PACRG: variants seen among roughly 807,000 people sequenced by gnomAD.
The protein encoded by PACRG is parkin coregulated, also known as parkin coregulated gene protein.
Under a neutral mutation model 29.7 loss-of-function variants are expected in PACRG, and 29 were observed. That is an observed-to-expected ratio of 0.98 (90% CI 0.73 to 1.33). The LOEUF (loss-of-function observed/expected upper bound fraction) is 1.33, where lower values mean the gene tolerates loss of function less well. Ranked by LOEUF, PACRG falls within the 40% of genes most tolerant of loss-of-function variation. The pLI is 0.00. For synonymous variants in PACRG, 116 were observed against 118.7 expected, an observed-to-expected ratio of 0.98 and a Z score of 0.15; for missense variants, 279 against 316.2, an observed-to-expected ratio of 0.88 and a Z score of 0.89.
chr6:163,021,611 G>A (rs776776057), intron 2 of PACRG, among the ~76,000 whole-genome samples: 6 of 151,994 alleles, frequency 3.9e-5, no homozygotes, highest in East Asian at 1.9e-4. Context: ...CACAATTAGC[G>A]TCTTTCCATT....
intron 4 of PACRG, among the ~76,000 whole-genome samples, chr6:163,309,297 C>T (rs1785314337): frequency 6.6e-6 from 1 of 152,230 alleles, no homozygotes; most frequent in Non-Finnish European, 1.5e-5. Context: ...CTATTTATTT[C>T]AGAGCCTTGG....
intron 4 of PACRG, chr6:163,166,031 C>T: frequency 2.2e-6 from 1 of 448,008 alleles, no homozygotes; most frequent in Non-Finnish European, 4.5e-6. Context: ...ACAAGCGCCC[C>T]GATTTCATCT....
intron 2 of PACRG, among the ~76,000 whole-genome samples, chr6:163,020,593 G>A (rs1585022257): frequency 1.3e-5 from 2 of 152,094 alleles, no homozygotes; most frequent in African/African-American, 2.4e-5. Context: ...CAGCAGCAGC[G>A]TTCGCATCAT....
At chr6:163,160,952 A>G (rs1193576490) in intron 4 of PACRG, among the ~76,000 whole-genome samples, 1 of 152,122 alleles carries the variant, frequency 6.6e-6, no homozygotes, top group Non-Finnish European at 1.5e-5. Flanking sequence ...GCTCACAAGC[A>G]CTTTATGTGA....
intron 3 of PACRG, among the ~76,000 whole-genome samples, chr6:163,083,060 C>T (rs1367705946): frequency 6.6e-6 from 1 of 152,200 alleles, no homozygotes; most frequent in African/African-American, 2.4e-5. Context: ...CCTCTTTTCT[C>T]TTTTCTCAAA....
intron 1 of PACRG, among the ~76,000 whole-genome samples, chr6:162,740,616 T>C (rs1780510933): frequency 6.7e-6 from 1 of 148,496 alleles, no homozygotes; most frequent in Admixed American, 6.7e-5. Flanking sequence ...TTTTTTTTTT[T>C]TTTGAGATGG....
At chr6:163,217,186 G>A (rs1355591998) in intron 4 of PACRG, among the ~76,000 whole-genome samples, 2 of 152,210 alleles carry the variant, frequency 1.3e-5, no homozygotes, top group South Asian at 2.1e-4. Flanking sequence ...GGAATGTACC[G>A]CTCCCTGCAG....
intron 4 of PACRG, chr6:163,095,431 G>A: frequency 3.0e-6 from 3 of 984,970 alleles, no homozygotes; most frequent in Non-Finnish European, 3.6e-6. Context: ...AGCTCTGAAG[G>A]CTGTGTCTTA....
chr6:162,860,868 G>A (rs888265944), intron 2 of PACRG, among the ~76,000 whole-genome samples: 1 of 152,158 alleles, frequency 6.6e-6, no homozygotes, highest in African/African-American at 2.4e-5. Flanking sequence ...AGAGAAGATG[G>A]TTTAAAAACC....
intron 2 of PACRG, among the ~76,000 whole-genome samples, chr6:162,927,195 C>T (rs1157505558): frequency 6.6e-6 from 1 of 152,150 alleles, no homozygotes; most frequent in Non-Finnish European, 1.5e-5. Flanking sequence ...CACTTTTATA[C>T]TGTTGGTGGG....
At chr6:162,988,630 G>A (rs1257996331) in intron 2 of PACRG, among the ~76,000 whole-genome samples, 1 of 152,050 alleles carries the variant, frequency 6.6e-6, no homozygotes, top group Non-Finnish European at 1.5e-5. Context: ...ACTTTAATGA[G>A]GTAATCCTGT....
chr6:162,867,150 C>A (rs1792365759), intron 2 of PACRG, among the ~76,000 whole-genome samples: 1 of 152,148 alleles, frequency 6.6e-6, no homozygotes, highest in Non-Finnish European at 1.5e-5. Flanking sequence ...TGCTCAATTG[C>A]CCCTGAGAAG....
rs187325263 is a variant in PACRG at position 162,832,137 on chromosome 6, G to A, written c.291+17856G>A. Among the ~76,000 whole-genome samples, 16 of 152,272 alleles carry A rather than the reference G, an allele frequency of 1.1e-4. No homozygotes were observed. In the East Asian group the frequency reaches 1.5e-3, roughly 15 times the overall value. The stretch of plus-strand genomic sequence containing the variant: ...ACATTCCCATAAACAGTGTAAAAGC[G>A]TTCCTATTTCTCCATAGCCTCTCCA... On this transcript the variant is annotated intron_variant, in intron 2 of 4. Transcript: ENST00000366888.
At chr6:163,152,899 C>T (rs994867404) in intron 4 of PACRG, among the ~76,000 whole-genome samples, 11 of 152,144 alleles carry the variant, frequency 7.2e-5, no homozygotes, top group South Asian at 2.1e-4. Context: ...CTCCTGAACA[C>T]GGCCTATTAA....
chr6:163,129,923 G>A (rs1200664912), intron 4 of PACRG, among the ~76,000 whole-genome samples: 1 of 152,202 alleles, frequency 6.6e-6, no homozygotes, highest in Non-Finnish European at 1.5e-5. Context: ...AGATTAGAAG[G>A]GGTGGATCAT....
chr6:163,157,042 T>C (rs1778351675), intron 4 of PACRG, among the ~76,000 whole-genome samples: 2 of 152,244 alleles, frequency 1.3e-5, no homozygotes, highest in South Asian at 4.1e-4. Flanking sequence ...AGGAATTAGG[T>C]TACGTTCATC....
At chr6:162,759,469 A>G (rs1473719507) in intron 1 of PACRG, among the ~76,000 whole-genome samples, 2 of 152,206 alleles carry the variant, frequency 1.3e-5, no homozygotes, top group African/African-American at 4.8e-5. Context: ...AATGCTCCAG[A>G]TTCACATCCA....
At chr6:162,916,610 G>T (rs1456832605) in intron 2 of PACRG, among the ~76,000 whole-genome samples, 1 of 151,910 alleles carries the variant, frequency 6.6e-6, no homozygotes, top group Non-Finnish European at 1.5e-5. Context: ...TACAAGCCAT[G>T]TTCTATTGTG....
intron 4 of PACRG, among the ~76,000 whole-genome samples, chr6:163,103,220 C>T (rs996120709): frequency 6.6e-6 from 1 of 152,184 alleles, no homozygotes; most frequent in African/African-American, 2.4e-5. Context: ...GAATCCACTT[C>T]TAGGCTCATC....
Sources: gnomAD v4.1 joint callset for allele counts (sites outside exome capture counted in the v4.1 genomes callset) on GRCh38, gnomAD v4.1.1 for gene constraint, MANE v1.5 for transcripts, NCBI Gene and HGNC (gene_info 2026-07-23, HGNC 2026-07-21) for gene names.